Variants in TNR observed in about 807,000 individuals in gnomAD.
TNR encodes tenascin-R.
Under a neutral mutation model 150.4 loss-of-function variants are expected in TNR, and 45 were observed. The observed-to-expected ratio is 0.30, with a 90% CI of 0.24 to 0.38. TNR has a LOEUF of 0.38. Ranked by LOEUF, TNR falls within the 10% of genes least tolerant of loss-of-function variation. The pLI, the probability that TNR is intolerant of heterozygous loss-of-function variation, is 1.00. For synonymous variants in TNR, 687 were observed against 678.4 expected (o/e 1.01, Z -0.20); for missense variants, 1,544 against 1,759.1 (o/e 0.88, Z 2.19).
At chr1:175,367,483 T>C (rs6697801) in intron 9 of TNR, among the ~76,000 whole-genome samples, 186 bp from the exon 10 acceptor site, 97,960 of 152,054 alleles carry the variant, frequency 0.64, 32,439 homozygotes, top group East Asian at 0.81. Flanking sequence ...GTCAATAGGA[T>C]GAACCAGCCC....
intron 18 of TNR, among the ~76,000 whole-genome samples, chr1:175,348,040 T>C (rs1357501433): frequency 6.6e-6 from 1 of 152,142 alleles, no homozygotes; most frequent in African/African-American, 2.4e-5. Context: ...TTAGAATCAA[T>C]AAGAGAGTTC....
At chr1:175,671,806 G>T (rs957060439) in intron 1 of TNR, among the ~76,000 whole-genome samples, 1 of 151,670 alleles carries the variant, frequency 6.6e-6, no homozygotes, top group African/African-American at 2.4e-5. Context: ...ACATAAAATT[G>T]CACTTGTGAT....
At chr1:175,670,615 G>A (rs990474925) in intron 1 of TNR, among the ~76,000 whole-genome samples, 18 of 152,140 alleles carry the variant, frequency 1.2e-4, no homozygotes, top group Admixed American at 2.0e-4. Flanking sequence ...GGCCCAGGTC[G>A]CTGGGGACAA....
intron 2 of TNR, among the ~76,000 whole-genome samples, chr1:175,451,447 G>A (rs193030470): frequency 7.2e-5 from 10 of 138,746 alleles, no homozygotes; most frequent in African/African-American, 2.5e-4. Flanking sequence ...TAAGGCACCT[G>A]GTTAGTAAGA....
intron 1 of TNR, among the ~76,000 whole-genome samples, chr1:175,592,920 G>A (rs911885564): frequency 1.3e-5 from 2 of 152,196 alleles, no homozygotes; most frequent in South Asian, 2.1e-4. Context: ...GGGCAAACTG[G>A]TTTTTCTGGG....
At chr1:175,694,286 G>T (rs563573521) in intron 1 of TNR, among the ~76,000 whole-genome samples, 1 of 152,180 alleles carries the variant, frequency 6.6e-6, no homozygotes, top group African/African-American at 2.4e-5. Flanking sequence ...TCTGAATCTG[G>T]ACCTGTTCCA....
intron 2 of TNR, among the ~76,000 whole-genome samples, chr1:175,467,191 C>A (rs1395395249): frequency 6.6e-6 from 1 of 152,168 alleles, no homozygotes; most frequent in East Asian, 1.9e-4. Context: ...GCACTCAGAG[C>A]TGGGGGAATG....
At chr1:175,538,917 G>A (rs1168198139) in intron 1 of TNR, 1 of 152,238 alleles carries the variant, frequency 6.6e-6, no homozygotes, top group Non-Finnish European at 1.5e-5. Flanking sequence ...CCTAGTCAGA[G>A]CTGGCCAATT....
chr1:175,501,420 T>TC (rs568283436), intron 2 of TNR, among the ~76,000 whole-genome samples: 132 of 152,112 alleles, frequency 8.7e-4, no homozygotes, highest in Middle Eastern at 3.2e-3. Context: ...GAACTAAATT[T>TC]CCCCAACCAC....
intron 1 of TNR, among the ~76,000 whole-genome samples, chr1:175,642,000 T>C (rs1276056843): frequency 6.6e-6 from 1 of 152,218 alleles, no homozygotes; most frequent in African/African-American, 2.4e-5. Flanking sequence ...CTGTCCCTGC[T>C]ATCAAGTAGG....
Position 175,588,420 on chromosome 1 carries a change from G to A in TNR, c.-164-60051C>T, listed in dbSNP as rs1662664544. The stretch of plus-strand genomic sequence containing the variant: ...TAAGTGAACACATCTTTCAGACACA[G>A]CTGAAGCAAATTTGGCACTCCTGAA... On this transcript the variant is annotated intron_variant, in intron 1 of 22. Transcript: ENST00000367674. 2.0e-5 allele frequency among the ~76,000 whole-genome samples: 3 copies of A among 152,242 alleles called. No homozygotes were observed. The South Asian group carries it at 6.2e-4, about 32-fold the overall frequency.
intron 1 of TNR, among the ~76,000 whole-genome samples, chr1:175,624,453 G>A (rs1399674432): frequency 6.6e-6 from 1 of 152,112 alleles, no homozygotes; most frequent in Non-Finnish European, 1.5e-5. Context: ...TATAAAAAAA[G>A]GAGATGAGAC....
intron 1 of TNR, among the ~76,000 whole-genome samples, chr1:175,700,116 T>A (rs2101926127): frequency 6.6e-6 from 1 of 150,936 alleles, no homozygotes; most frequent in East Asian, 2.0e-4. Flanking sequence ...GATGGAAGCA[T>A]CCTAGATTGC....
At position 175,651,800 on chromosome 1, in the gene TNR, A is replaced by C. The variant is rs866885168; in HGVS notation, c.-165+91426T>G. Among the ~76,000 whole-genome samples the C allele has an allele frequency of 2.6e-5, 4 of 151,866 alleles. 1 individual carries two copies. The highest frequency in any genetic ancestry group is 4.1e-4 in the South Asian group (2 of 4,836). On this transcript the variant is annotated intron_variant, in intron 1 of 22. Transcript: ENST00000367674. Reference sequence around the variant, plus strand: ...AATTATAGGTTCATTTCACTTATGCACACAGAAACAAAAATTCTAGACCAA... The same window carrying C: ...AATTATAGGTTCATTTCACTTATGCCCACAGAAACAAAAATTCTAGACCAA...
At chr1:175,354,761 G>A (rs1454248124) in intron 17 of TNR, among the ~76,000 whole-genome samples, 1 of 152,186 alleles carries the variant, frequency 6.6e-6, no homozygotes, top group Non-Finnish European at 1.5e-5. Flanking sequence ...TTAGGTACCT[G>A]CATTATTGAA....
chr1:175,690,941 A>G (rs2101918108), intron 1 of TNR, among the ~76,000 whole-genome samples: 1 of 152,326 alleles, frequency 6.6e-6, no homozygotes, highest in Admixed American at 6.5e-5. Flanking sequence ...CAAATCAAGG[A>G]AACCTTCTAG....
At chr1:175,417,090 G>T (rs1654530157) in intron 2 of TNR, among the ~76,000 whole-genome samples, 1 of 98,868 alleles carries the variant, frequency 1.0e-5, no homozygotes, top group South Asian at 3.4e-4. Context: ...CTAAGAAGTG[G>T]TCTCTTCCCT....
At chr1:175,451,514 T>C (rs1656319511) in intron 2 of TNR, among the ~76,000 whole-genome samples, 1 of 152,124 alleles carries the variant, frequency 6.6e-6, no homozygotes, top group Non-Finnish European at 1.5e-5. Flanking sequence ...TGCTCTGCCA[T>C]GCCATGTGGC....
chr1:175,477,264 C>T (rs772419720), intron 2 of TNR, among the ~76,000 whole-genome samples: 7 of 152,116 alleles, frequency 4.6e-5, no homozygotes, highest in African/African-American at 1.2e-4. Flanking sequence ...TTCTAGCTCC[C>T]GCGTAAGAGG....
Sources: allele counts gnomAD v4.1 joint callset (sites outside exome capture counted in the v4.1 genomes callset), GRCh38; gene constraint gnomAD v4.1.1; transcripts MANE v1.5; gene names NCBI Gene and HGNC (gene_info 2026-07-23, HGNC 2026-07-21).